Variants in ESRRG observed in about 807,000 individuals in gnomAD.
ESRRG encodes estrogen related receptor gamma.
In ESRRG, 13 loss-of-function variants were observed where a neutral mutation model predicts 44.0. The observed-to-expected ratio is 0.30, with a 90% CI of 0.19 to 0.47. ESRRG has a LOEUF of 0.47. ESRRG is among the 20% of genes least tolerant of loss of function. The pLI, the probability that ESRRG is intolerant of heterozygous loss-of-function variation, is 1.00. For missense variants in ESRRG, 395 were observed against 580.6 expected (o/e 0.68, Z 3.29); for synonymous variants, 215 against 214.6 (o/e 1.00, Z -0.02).
At chr1:216,721,903 A>G (rs776901071) in intron 1 of ESRRG, among the ~76,000 whole-genome samples, 3 of 152,160 alleles carry the variant, frequency 2.0e-5, no homozygotes, top group Non-Finnish European at 2.9e-5. Flanking sequence ...AACTGATGCA[A>G]GCACAGCCTT....
chr1:216,547,524 T>C (rs1353756123), intron 5 of ESRRG, among the ~76,000 whole-genome samples: 3 of 152,096 alleles, frequency 2.0e-5, no homozygotes, highest in Non-Finnish European at 4.4e-5. Flanking sequence ...GAGGCACACA[T>C]TTAATGGGGC....
intron 5 of ESRRG, among the ~76,000 whole-genome samples, chr1:216,558,757 T>C (rs1213866800): frequency 6.6e-6 from 1 of 152,216 alleles, no homozygotes; most frequent in East Asian, 1.9e-4. Context: ...TTCAGAATCA[T>C]TCGACCCTTA....
intron 5 of ESRRG, among the ~76,000 whole-genome samples, chr1:216,563,328 G>C (rs1401099590): frequency 6.6e-6 from 1 of 152,136 alleles, no homozygotes; most frequent in African/African-American, 2.4e-5. Context: ...TCGCCTGACA[G>C]TTCGTTACGA....
chr1:216,726,120 C>A (rs12066669), upstream of ESRRG, among the ~76,000 whole-genome samples: 9,369 of 152,230 alleles, frequency 0.062, 362 homozygotes, highest in African/African-American at 0.091. Context: ...TACAAACATA[C>A]ATAGTGTCAT....
intron 2 of ESRRG, among the ~76,000 whole-genome samples, chr1:216,828,697 G>A (rs1241702547): frequency 6.6e-6 from 1 of 152,148 alleles, no homozygotes; most frequent in African/African-American, 2.4e-5. Flanking sequence ...GTCATAAAAT[G>A]TTAGGTTTTT....
chr1:216,783,614 G>A (rs1441660322), intron 2 of ESRRG, among the ~76,000 whole-genome samples: 1 of 151,966 alleles, frequency 6.6e-6, no homozygotes, highest in Non-Finnish European at 1.5e-5. Flanking sequence ...CCTCACTTGG[G>A]AATTGAGGTC....
At chr1:216,816,374 A>T (rs1246370671) in intron 2 of ESRRG, among the ~76,000 whole-genome samples, 2 of 152,246 alleles carry the variant, frequency 1.3e-5, no homozygotes, top group African/African-American at 4.8e-5. Flanking sequence ...CAATGTACAC[A>T]TATTTCAAAA....
intron 6 of ESRRG, among the ~76,000 whole-genome samples, chr1:216,514,573 C>T (rs1030309006): frequency 3.9e-5 from 6 of 152,086 alleles, no homozygotes; most frequent in East Asian, 3.9e-4. Flanking sequence ...ATTAAAAATA[C>T]TAATTTAGGC....
chr1:217,062,372 A>G (rs1437855991), intron 1 of ESRRG, among the ~76,000 whole-genome samples: 2 of 152,156 alleles, frequency 1.3e-5, no homozygotes, highest in South Asian at 2.1e-4. Context: ...TCTGCCTATT[A>G]AACACCCTAC....
intron 2 of ESRRG, among the ~76,000 whole-genome samples, chr1:216,842,542 T>G (rs1415964541): frequency 6.6e-6 from 1 of 152,088 alleles, no homozygotes; most frequent in Non-Finnish European, 1.5e-5. Flanking sequence ...AAACTCCACT[T>G]CTCTCTCCAA....
intron 2 of ESRRG, among the ~76,000 whole-genome samples, chr1:216,838,473 G>A (rs140559942): frequency 6.6e-6 from 1 of 152,198 alleles, no homozygotes; most frequent in African/African-American, 2.4e-5. Flanking sequence ...GGGGACACAT[G>A]GGTAAGACAT....
chr1:216,676,069 T>C (rs1195666811), intron 2 of ESRRG, among the ~76,000 whole-genome samples: 2 of 152,222 alleles, frequency 1.3e-5, no homozygotes, highest in African/African-American at 4.8e-5. Context: ...TGTAAACCAC[T>C]GAGCAGAACC....
intron 5 of ESRRG, among the ~76,000 whole-genome samples, chr1:216,539,390 A>C (rs536967062): frequency 6.6e-6 from 1 of 152,074 alleles, no homozygotes; most frequent in South Asian, 2.1e-4. Context: ...TATGGCCATT[A>C]ACACATAGGT....
At chr1:216,950,248 G>A (rs538723866) in intron 1 of ESRRG, among the ~76,000 whole-genome samples, 1 of 152,284 alleles carries the variant, frequency 6.6e-6, no homozygotes, top group South Asian at 2.1e-4. Context: ...ATAATCGTAT[G>A]TTGAATGAAC....
chr1:216,687,872 C>T (rs1025038277), intron 1 of ESRRG, among the ~76,000 whole-genome samples: 1 of 152,082 alleles, frequency 6.6e-6, no homozygotes, highest in African/African-American at 2.4e-5. Flanking sequence ...TTGGTGATTG[C>T]TTCTGGCATT....
intron 3 of ESRRG, among the ~76,000 whole-genome samples, chr1:216,578,116 G>A (rs933855277): frequency 6.6e-6 from 1 of 152,008 alleles, no homozygotes; most frequent in Non-Finnish European, 1.5e-5. Context: ...CTAGTATAAC[G>A]AATATGGTAT....
intron 1 of ESRRG, among the ~76,000 whole-genome samples, chr1:216,679,975 G>A (rs2151540133): frequency 6.6e-6 from 1 of 152,216 alleles, no homozygotes; most frequent in Non-Finnish European, 1.5e-5. Context: ...CAATAGGCTG[G>A]ATAAAACAAG....
chr1:217,088,141 G>T (rs149693388), intron 1 of ESRRG, among the ~76,000 whole-genome samples: 2 of 150,880 alleles, frequency 1.3e-5, no homozygotes, highest in Non-Finnish European at 1.5e-5. Flanking sequence ...TTTTTCTCTC[G>T]CCTGCTGCTT....
intron 2 of ESRRG, among the ~76,000 whole-genome samples, chr1:216,784,639 A>G (rs956159740): frequency 6.6e-6 from 1 of 152,078 alleles, no homozygotes; most frequent in African/African-American, 2.4e-5. Flanking sequence ...AAAGAATTAT[A>G]AAACAGATGA....
Sources: gnomAD v4.1 joint callset for allele counts (sites outside exome capture counted in the v4.1 genomes callset) on GRCh38, gnomAD v4.1.1 for gene constraint, MANE v1.5 for transcripts, NCBI Gene and HGNC (gene_info 2026-07-23, HGNC 2026-07-21) for gene names.